Variants in CDK8 observed in about 807,000 individuals in gnomAD.
CDK8 encodes cyclin-dependent kinase 8.
A neutral mutation model predicts 71.5 loss-of-function variants in CDK8; 29 were observed. The ratio of observed to expected loss-of-function variants is 0.41; its 90% CI spans 0.30 to 0.55. The LOEUF is 0.55. Ranked by LOEUF, CDK8 falls within the 20% of genes least tolerant of loss-of-function variation. CDK8 has a pLI of 0.37. For synonymous variants in CDK8, 161 were observed against 192.1 expected, an observed-to-expected ratio of 0.84 and a Z score of 1.34; for missense variants, 288 against 572.6, an observed-to-expected ratio of 0.50 and a Z score of 5.07.
intron 5 of CDK8, among the ~76,000 whole-genome samples, chr13:26,384,338 A>T (rs1875372226): frequency 6.6e-6 from 1 of 152,154 alleles, no homozygotes. Context: ...AACTTATCAA[A>T]TGGTGGGTGA....
At chr13:26,381,861 G>A (rs1476605392) in intron 4 of CDK8, among the ~76,000 whole-genome samples, 1 of 151,964 alleles carries the variant, frequency 6.6e-6, no homozygotes, top group African/African-American at 2.4e-5. Flanking sequence ...CATATGGTTA[G>A]AGAAGCCTGT....
At chr13:26,293,130 T>C (rs1470398493) in intron 1 of CDK8, among the ~76,000 whole-genome samples, 1 of 152,220 alleles carries the variant, frequency 6.6e-6, no homozygotes, top group Admixed American at 6.5e-5. Flanking sequence ...GTATTTTCTT[T>C]GTTTCTCTAG....
Position 26,273,191 on chromosome 13 carries a change from T to C in CDK8, c.128+18422T>C, listed in dbSNP as rs116688239. Among the ~76,000 whole-genome samples the C allele has an allele frequency of 6.3e-3, 965 of 152,328 alleles. 11 individuals are homozygous for C. The highest frequency in any genetic ancestry group is 0.021 in the African/African-American group (866 of 41,568). Reference sequence around the variant, plus strand: ...GCCTCTGAATTGTTTGGGCATACTTTGTTAAAAATCAGTTGGCCATAAATA... The same window carrying C: ...GCCTCTGAATTGTTTGGGCATACTTCGTTAAAAATCAGTTGGCCATAAATA... On this transcript the variant is annotated intron_variant, in intron 1 of 12. Coordinates refer to ENST00000381527, the MANE Select transcript of CDK8 (RefSeq NM_001260.3).
intron 4 of CDK8, among the ~76,000 whole-genome samples, chr13:26,360,696 G>A (rs2138010008): frequency 6.6e-6 from 1 of 152,284 alleles, no homozygotes; most frequent in South Asian, 2.1e-4. Context: ...AATATTGCAT[G>A]TTTGTTGAAT....
Position 26,396,363 on chromosome 13 carries a change from G to GA in CDK8, c.860+16dup, listed in dbSNP as rs1291236248. The GA allele has an allele frequency of 6.7e-6, 9 of 1,349,262 alleles. No individual in the cohort carries two copies. The highest frequency in any genetic ancestry group is 1.4e-5 in the South Asian group (1 of 71,434). 83.6% of individuals were successfully genotyped at this position (1,349,262 alleles called of 1,614,324 possible). A position where few individuals can be genotyped will look rare whatever the true frequency, so the allele number is the denominator to read the frequency against. On this transcript the variant is annotated intron_variant, in intron 8 of 12. Coordinates refer to ENST00000381527, the MANE Select transcript of CDK8 (RefSeq NM_001260.3). ...GATTTCAGAAGAAATACGTAAGTTGGAAAAAAAGAGACTCCTTGTTGATTT... is the reference window on the plus strand; with the variant it reads ...GATTTCAGAAGAAATACGTAAGTTGGAAAAAAAAGAGACTCCTTGTTGATTT...
intron 4 of CDK8, among the ~76,000 whole-genome samples, chr13:26,378,521 A>G (rs150118488): frequency 4.9e-4 from 74 of 152,316 alleles, no homozygotes; most frequent in African/African-American, 1.6e-3. Flanking sequence ...TCATAGATTT[A>G]TATCATTTTT....
chr13:26,374,859 C>T (rs1166125378), intron 4 of CDK8, among the ~76,000 whole-genome samples: 2 of 152,048 alleles, frequency 1.3e-5, no homozygotes, highest in Non-Finnish European at 2.9e-5. Context: ...TTCGCAAAAT[C>T]TGTTAATACG....
Position 26,254,601 on chromosome 13 carries a change from C to A in CDK8, c.-41C>A. 11 of 1,501,936 alleles carry A rather than the reference C, an allele frequency of 7.3e-6. No homozygotes were observed. Among genetic ancestry groups the A allele is most frequent in the South Asian group, 2.4e-5 (2 of 82,246 alleles). 93.0% of individuals were successfully genotyped at this position (1,501,936 alleles called of 1,614,324 possible). ...TTCCCCGGTCCCCACCCCTGCCCCC[C>A]GGCCCCCCGACCCAGCTCTCCGGCC... On this transcript the variant is annotated 5_prime_UTR_variant, in exon 1 of 13. Coordinates refer to ENST00000381527, the MANE Select transcript of CDK8 (RefSeq NM_001260.3). This position sits in a 1 kb window ranked among gnomAD's most constrained non-coding sequence, Gnocchi z 6.7.
In CDK8 at chr13:26,254,792, G is replaced by A. The variant is rs547006313; in HGVS notation, c.128+23G>A. 6.2e-7 allele frequency: 1 copy of A among 1,608,594 alleles called. No homozygotes were observed. The highest frequency in any genetic ancestry group is 1.7e-5 in the Admixed American group (1 of 59,792). On this transcript the variant is annotated intron_variant, in intron 1 of 12. Transcript: ENST00000381527. The surrounding 1 kb of genome is among the most constrained non-coding windows in gnomAD (Gnocchi z 6.7). ...TGGGTGAGTGTGTGTGTCTGGGCCG[G>A]TGTCCGCGCTGGGCGGCGCTCCCGC...
At chr13:26,314,941 T>C (rs1874440845) in intron 1 of CDK8, among the ~76,000 whole-genome samples, 1 of 152,132 alleles carries the variant, frequency 6.6e-6, no homozygotes, top group African/African-American at 2.4e-5. Context: ...AATTTAATAT[T>C]GCTAGCAAAG....
At chr13:26,379,932 A>T (rs1240517750) in intron 4 of CDK8, among the ~76,000 whole-genome samples, 2 of 152,178 alleles carry the variant, frequency 1.3e-5, no homozygotes, top group Non-Finnish European at 2.9e-5. Flanking sequence ...AGAGGGGGAA[A>T]ATCCAATTTT....
intron 1 of CDK8, among the ~76,000 whole-genome samples, chr13:26,332,024 A>G (rs1429906980): frequency 6.6e-5 from 10 of 152,028 alleles, no homozygotes; most frequent in African/African-American, 2.4e-4. Flanking sequence ...AGAGATTTCC[A>G]TCTCCCTAGT....
intron 2 of CDK8, among the ~76,000 whole-genome samples, chr13:26,339,731 T>A (rs868501725): frequency 1.3e-4 from 12 of 92,164 alleles, no homozygotes; most frequent in African/African-American, 2.2e-4. Context: ...TTATTTATTT[T>A]ATTTATATAA....
chr13:26,278,827 T>C (rs777105924), intron 1 of CDK8, among the ~76,000 whole-genome samples: 9 of 150,878 alleles, frequency 6.0e-5, no homozygotes, highest in Non-Finnish European at 7.4e-5. Flanking sequence ...TTGAAAGTGT[T>C]CTGTAGTTGT....
intron 1 of CDK8, among the ~76,000 whole-genome samples, chr13:26,335,017 A>AT (rs1872916967): frequency 6.6e-6 from 1 of 151,990 alleles, no homozygotes; most frequent in Non-Finnish European, 1.5e-5. Context: ...TGTTCTCTGG[A>AT]TTTTTTTCTC....
intron 2 of CDK8, among the ~76,000 whole-genome samples, chr13:26,347,879 G>A (rs1308929534): frequency 6.6e-6 from 1 of 152,094 alleles, no homozygotes; most frequent in Non-Finnish European, 1.5e-5. Context: ...AAGTTTGGTG[G>A]TTTCTCAGAA....
At chr13:26,310,046 G>A (rs1874216231) in intron 1 of CDK8, among the ~76,000 whole-genome samples, 1 of 152,204 alleles carries the variant, frequency 6.6e-6, no homozygotes, top group Non-Finnish European at 1.5e-5. Flanking sequence ...ATGAGCCACT[G>A]TGCCCAGCCT....
chr13:26,363,719 AT>A (rs1874255889), intron 4 of CDK8, among the ~76,000 whole-genome samples: 1 of 152,070 alleles, frequency 6.6e-6, no homozygotes, highest in African/African-American at 2.4e-5. Context: ...CCTGCAGTTT[AT>A]TTTAATTATA....
intron 1 of CDK8, among the ~76,000 whole-genome samples, chr13:26,324,229 A>T (rs565706256): frequency 2.7e-5 from 3 of 111,528 alleles, no homozygotes; most frequent in African/African-American, 1.1e-4. Flanking sequence ...TGTGTTGCTA[A>T]TGGTGCAATA....
Sources: allele counts gnomAD v4.1 joint callset (sites outside exome capture counted in the v4.1 genomes callset), GRCh38; gene constraint gnomAD v4.1.1; non-coding constraint Gnocchi (gnomAD v3.1); transcripts MANE v1.5; gene names NCBI Gene and HGNC (gene_info 2026-07-23, HGNC 2026-07-21).